The following TBL1X variants were observed in gnomAD, a reference collection of about 807,000 sequenced individuals.
TBL1X encodes transducin beta like 1 X-linked, also known as F-box-like/WD repeat-containing protein TBL1X.
A neutral mutation model predicts 50.7 loss-of-function variants in TBL1X; 10 were observed. The ratio of observed to expected loss-of-function variants is 0.20; its 90% confidence interval spans 0.12 to 0.33. The LOEUF (loss-of-function observed/expected upper bound fraction) is 0.33. Ranked by LOEUF, TBL1X falls within the 10% of genes least tolerant of loss-of-function variation. The pLI, the probability that TBL1X is intolerant of heterozygous loss-of-function variation, is 1.00. For missense variants in TBL1X, 340 were observed against 504.4 expected (o/e 0.67, Z 3.12); for synonymous variants, 190 against 214.7 (o/e 0.88, Z 1.01).
intron 2 of TBL1X, among the ~76,000 whole-genome samples, chrX:9,559,274 C>G (rs183400972): frequency 1.9e-3 from 210 of 111,687 alleles, no homozygotes; most frequent in Non-Finnish European, 2.9e-3. Flanking sequence ...CAGTGAATTA[C>G]TTTATTTTTG....
At chrX:9,491,332 A>ATTTTT (rs1346823218) in intron 1 of TBL1X, among the ~76,000 whole-genome samples, 24 of 23,180 alleles carry the variant, frequency 1.0e-3, no homozygotes, top group African/African-American at 4.2e-3. Flanking sequence ...ATATATATAT[A>ATTTTT]TATATATTTT....
intron 1 of TBL1X, among the ~76,000 whole-genome samples, chrX:9,465,906 C>T (rs1437896178): frequency 8.8e-6 from 1 of 113,157 alleles, no homozygotes; most frequent in Non-Finnish European, 1.9e-5. Context: ...GAGCCCCATT[C>T]ATACCCGGGA....
chrX:9,657,237 A>T (rs2082869909), intron 5 of TBL1X, among the ~76,000 whole-genome samples: 1 of 112,173 alleles, frequency 8.9e-6, no homozygotes, highest in African/African-American at 3.2e-5. Flanking sequence ...GTGCGGCAGG[A>T]CAGCTGCTTC....
At chrX:9,468,806 A>T (rs2081793951) in intron 1 of TBL1X, among the ~76,000 whole-genome samples, 1 of 110,154 alleles carries the variant, frequency 9.1e-6, no homozygotes, top group East Asian at 2.8e-4. Context: ...GGCTCCTTGT[A>T]TTAAAGGAGA....
chrX:9,714,502 G>A lies in TBL1X; in HGVS notation c.1606-400G>A, dbSNP rs537813031. ...CAGTCTGACCCTGGGAAGGAGACGG[G>A]AAGGGTAGGAAGAGTCAGGGATGGC... On this transcript the variant is annotated intron_variant, in intron 16 of 17. Transcript: ENST00000645353. Among the ~76,000 whole-genome samples the A allele has an allele frequency of 2.9e-4, 32 of 111,597 alleles. No homozygotes were observed. In the South Asian group the frequency reaches 0.011, roughly 38 times the overall value.
At chrX:9,592,424 C>T (rs1024712596) in intron 2 of TBL1X, among the ~76,000 whole-genome samples, 5 of 111,821 alleles carry the variant, frequency 4.5e-5, no homozygotes, top group African/African-American at 6.5e-5. Context: ...GAGATGACCA[C>T]GTTACTAAAA....
chrX:9,467,149 A>C (rs1239480031), intron 1 of TBL1X, among the ~76,000 whole-genome samples: 1 of 112,424 alleles, frequency 8.9e-6, no homozygotes, highest in Non-Finnish European at 1.9e-5. Context: ...TATCAGTACC[A>C]CTGGTTCTGT....
intron 3 of TBL1X, among the ~76,000 whole-genome samples, chrX:9,641,613 T>C (rs1396471113): frequency 1.8e-5 from 2 of 112,630 alleles, no homozygotes; most frequent in Non-Finnish European, 3.7e-5. Flanking sequence ...AAGCCAGACA[T>C]ATGCATATGT....
At chrX:9,709,467 C>A in intron 14 of TBL1X, 145 bp downstream of exon 14, 1 of 963,158 alleles carries the variant, frequency 1.0e-6, no homozygotes, top group South Asian at 2.3e-5. Context: ...TACGATTTCT[C>A]AGTCATAGTC....
In TBL1X at chrX:9,705,000, C is replaced by T. The variant is rs2083198281; in HGVS notation, c.1122C>T (p.Ala374=). 8.3e-7 allele frequency: 1 copy of T among 1,210,465 alleles called. No homozygotes were observed. The highest frequency in any genetic ancestry group is 1.7e-5 in the African/African-American group (1 of 57,363). The change falls in exon 13 of 18, where the codon GCC becomes GCT. Residue 374 remains alanine, a synonymous_variant. Transcript: ENST00000645353. ...CCTCCCTCCCTACTGCAGCCCCTGC[C>T]CTTGATGTGGACTGGCAGAACAACA... is the stretch of plus-strand genomic sequence containing the variant. The part of the protein sequence containing the change: ...KQQFPFHSAP[A]LDVDWQNNTT...
chrX:9,647,718 G>A (rs1379338767), intron 3 of TBL1X, among the ~76,000 whole-genome samples: 1 of 111,990 alleles, frequency 8.9e-6, no homozygotes, highest in African/African-American at 3.3e-5. Context: ...AGAAAAGAAT[G>A]CCCAAACACA....
chrX:9,500,533 T>A (rs1373536811), intron 1 of TBL1X, among the ~76,000 whole-genome samples: 2 of 110,009 alleles, frequency 1.8e-5, no homozygotes, highest in Non-Finnish European at 1.9e-5. Context: ...GAGGTGGAGG[T>A]TGCAATGAGC....
chrX:9,562,888 G>A (rs1419193161), intron 2 of TBL1X, among the ~76,000 whole-genome samples: 6 of 112,127 alleles, frequency 5.4e-5, no homozygotes, highest in Admixed American at 1.9e-4. Flanking sequence ...CCAGTCATTC[G>A]AATGGAACAG....
intron 2 of TBL1X, among the ~76,000 whole-genome samples, chrX:9,623,873 A>G (rs999304980): frequency 1.9e-4 from 21 of 112,083 alleles, no homozygotes; most frequent in Non-Finnish European, 3.0e-4. Context: ...ACTTTTTTGC[A>G]TGTAAGCACC....
upstream of TBL1X, among the ~76,000 whole-genome samples, chrX:9,463,670 T>C (rs778570907): frequency 1.5e-4 from 17 of 112,144 alleles, no homozygotes; most frequent in African/African-American, 5.2e-4. Context: ...GGCCGGCGGA[T>C]TGCCTGAGGT....
rs2082409667 is a variant in TBL1X at position 9,576,021 on chromosome X, C to G, written c.-130-64252C>G. ...TAATCTGTCAAGATGACCCAGTGAACAGTTGGCTATCAAAGTATTATAAGA... is the reference window on the plus strand; with the variant it reads ...TAATCTGTCAAGATGACCCAGTGAAGAGTTGGCTATCAAAGTATTATAAGA... On this transcript the variant is annotated intron_variant, in intron 2 of 17. Coordinates refer to ENST00000645353, the MANE Select transcript of TBL1X (RefSeq NM_005647.4). Among the ~76,000 whole-genome samples, 3 of 111,790 alleles carry G rather than the reference C, an allele frequency of 2.7e-5. No individual in the cohort carries two copies. The South Asian group carries it at 1.1e-3, about 42-fold the overall frequency.
At chrX:9,559,645 T>A (rs1344280735) in intron 2 of TBL1X, among the ~76,000 whole-genome samples, 1 of 111,712 alleles carries the variant, frequency 9.0e-6, no homozygotes, top group Non-Finnish European at 1.9e-5. Context: ...ATAAAAAAAA[T>A]TAGTGGGCTT....
chrX:9,593,421 A>G (rs60782957), intron 2 of TBL1X, among the ~76,000 whole-genome samples: 2,805 of 109,627 alleles, frequency 0.026, 84 homozygotes, highest in African/African-American at 0.087. Context: ...TAATAATAAT[A>G]ATAATAAGGT....
At chrX:9,587,563 C>G (rs1601777200) in intron 2 of TBL1X, among the ~76,000 whole-genome samples, 1 of 111,467 alleles carries the variant, frequency 9.0e-6, no homozygotes, top group Non-Finnish European at 1.9e-5. Context: ...GAGGTGCTTG[C>G]TTTGGGAGAA....
Sources: gnomAD v4.1 joint callset for allele counts (sites outside exome capture counted in the v4.1 genomes callset) on GRCh38, gnomAD v4.1.1 for gene constraint, MANE v1.5 for transcripts, NCBI Gene and HGNC (gene_info 2026-07-23, HGNC 2026-07-21) for gene names.